Variants in CLCA2 observed in about 807,000 individuals in gnomAD.
CLCA2 encodes calcium-activated chloride channel regulator 2.
In CLCA2, 85 loss-of-function variants were observed where a neutral mutation model predicts 82.9. The ratio of observed to expected loss-of-function variants is 1.03; its 90% CI spans 0.86 to 1.23. The LOEUF is 1.23. CLCA2 is among the 50% of genes most tolerant of loss of function. The pLI, the probability that CLCA2 is intolerant of heterozygous loss-of-function variation, is 0.00. For synonymous variants in CLCA2, 421 were observed against 391.7 expected, an observed-to-expected ratio of 1.07 and a Z score of -0.88; for missense variants, 1,089 against 1,124.8, an observed-to-expected ratio of 0.97 and a Z score of 0.45.
At chr1:86,449,011 T>G (rs573171460) in intron 11 of CLCA2, among the ~76,000 whole-genome samples, 4 of 152,370 alleles carry the variant, frequency 2.6e-5, no homozygotes, top group East Asian at 3.9e-4. Flanking sequence ...CTATTTTATT[T>G]GTTTGATATC....
chr1:86,443,675 C>T, intron 9 of CLCA2, 112 bp from the exon 10 acceptor site: 1 of 794,030 alleles, frequency 1.3e-6, no homozygotes, highest in East Asian at 2.7e-5. Flanking sequence ...CAGTACCTGT[C>T]AGAATTAAAT....
At chr1:86,454,505 T>C (rs1447086872) in intron 13 of CLCA2, among the ~76,000 whole-genome samples, 1 of 152,150 alleles carries the variant, frequency 6.6e-6, no homozygotes, top group Non-Finnish European at 1.5e-5. Context: ...TAAAATCACA[T>C]AACAGACCAG....
chr1:86,428,625 G>A, intron 3 of CLCA2, 57 bp downstream of exon 3: 1 of 1,562,900 alleles, frequency 6.4e-7, no homozygotes, highest in East Asian at 2.3e-5. Flanking sequence ...AATATTCTGT[G>A]CTTGGTGCTG....
chr1:86,427,181 A>C (rs1662403902), intron 2 of CLCA2, among the ~76,000 whole-genome samples: 1 of 152,298 alleles, frequency 6.6e-6, no homozygotes, highest in East Asian at 1.9e-4. Flanking sequence ...AAAAGTAGAT[A>C]AGAGCTGAAT....
intron 13 of CLCA2, among the ~76,000 whole-genome samples, chr1:86,454,016 TG>T: frequency 6.6e-6 from 1 of 152,346 alleles, no homozygotes; most frequent in East Asian, 1.9e-4. Context: ...GGTGCATTTT[TG>T]TTTACTACTT....
In CLCA2 at chr1:86,453,401, G is replaced by A; in HGVS notation, c.2188G>A (p.Val730Ile). 1 of 1,614,072 alleles carries A rather than the reference G, an allele frequency of 6.2e-7. No individual in the cohort carries two copies. ...TCAGATGAATGCTCCAAGGAAATCAGTAGGCAGAAATGAGGAGGAGCGAAA... is the reference window on the plus strand; with the variant it reads ...TCAGATGAATGCTCCAAGGAAATCAATAGGCAGAAATGAGGAGGAGCGAAA... ...NIQMNAPRKS[V>I]GRNEEERKWG... The change falls in exon 13 of 14, where the codon GTA becomes ATA. Residue 730 changes from valine to isoleucine, a missense_variant. Physicochemically the swap from Val to Ile is conservative, Grantham distance 29. Coordinates refer to ENST00000370565, the MANE Select transcript of CLCA2 (RefSeq NM_006536.7).
intron 11 of CLCA2, among the ~76,000 whole-genome samples, chr1:86,449,430 G>A (rs1662917809): frequency 6.6e-6 from 1 of 152,030 alleles, no homozygotes; most frequent in Non-Finnish European, 1.5e-5. Context: ...AGGTGGCAGT[G>A]GTGACTTTAA....
chr1:86,431,621 G>A (rs372570543), intron 4 of CLCA2, among the ~76,000 whole-genome samples: 4 of 152,100 alleles, frequency 2.6e-5, no homozygotes, highest in East Asian at 1.9e-4. Context: ...ATTTGAGATC[G>A]CTTGTTTAGG....
intron 10 of CLCA2, 36 bp from the exon 11 acceptor site, chr1:86,447,472 T>A (rs1214609666): frequency 2.5e-6 from 4 of 1,581,140 alleles, no homozygotes; most frequent in Non-Finnish European, 3.4e-6. Flanking sequence ...TGATTTTTTT[T>A]TCACACTTTC....
In CLCA2 at chr1:86,424,220, G is replaced by GT; in HGVS notation, c.-27dup. On this transcript the variant is annotated 5_prime_UTR_variant, in exon 1 of 14. The change abolishes the stop of an existing upstream ORF in the 5' untranslated region. Coordinates refer to ENST00000370565, the MANE Select transcript of CLCA2 (RefSeq NM_006536.7). The stretch of plus-strand genomic sequence containing the variant: ...ACACAATGTATGCAGCAGGCTCAGT[G>GT]TGAGTGAACTGGAGGCTTCTCTACA... 3 of 1,596,688 alleles carry GT rather than the reference G, an allele frequency of 1.9e-6. No homozygotes were observed. Among genetic ancestry groups the GT allele is most frequent in the Non-Finnish European group, 2.6e-6 (3 of 1,173,046 alleles).
chr1:86,428,246 C>T lies in CLCA2; in HGVS notation c.325-172C>T, dbSNP rs181522095. ...TATGTAGCTGTGGGTGCATTTTAAA[C>T]TCCATCCACAAGGTGTTTTTCTTCA... is the stretch of plus-strand genomic sequence containing the variant. On this transcript the variant is annotated intron_variant, in intron 2 of 13. Coordinates refer to ENST00000370565, the MANE Select transcript of CLCA2 (RefSeq NM_006536.7). Among the ~76,000 whole-genome samples, 15 of 152,292 alleles carry T rather than the reference C, an allele frequency of 9.8e-5. No homozygotes were observed. In the East Asian group the frequency reaches 2.9e-3, roughly 29 times the overall value.
chr1:86,434,467 T>C (rs1662559547), intron 5 of CLCA2, 51 bp from the exon 6 acceptor site: 1 of 1,472,598 alleles, frequency 6.8e-7, no homozygotes, highest in South Asian at 1.2e-5. Flanking sequence ...GAGAACTATG[T>C]TTGCTTTGGG....
intron 3 of CLCA2, among the ~76,000 whole-genome samples, chr1:86,429,828 C>T (rs930331078): frequency 3.9e-5 from 6 of 152,180 alleles, no homozygotes; most frequent in Non-Finnish European, 8.8e-5. Flanking sequence ...GAGTGAAACA[C>T]TCCATAAAAT....
At chr1:86,428,358 A>C (rs1205524528) in intron 2 of CLCA2, 60 bp from the exon 3 acceptor site, 1 of 1,478,072 alleles carries the variant, frequency 6.8e-7, no homozygotes, top group Non-Finnish European at 9.1e-7. Flanking sequence ...ATGAATGTAT[A>C]CATTTATGTC....
intron 11 of CLCA2, 76 bp downstream of exon 11, chr1:86,447,854 GCT>G: frequency 1.4e-6 from 2 of 1,431,962 alleles, no homozygotes; most frequent in Non-Finnish European, 1.9e-6. Context: ...TCAATATTAA[GCT>G]TATCTGTAAG....
chr1:86,451,578 T>C (rs1275172584), intron 12 of CLCA2, among the ~76,000 whole-genome samples: 1 of 152,142 alleles, frequency 6.6e-6, no homozygotes, highest in Non-Finnish European at 1.5e-5. Context: ...ACTCTCCTGA[T>C]TACCTCCTAT....
intron 3 of CLCA2, among the ~76,000 whole-genome samples, chr1:86,430,551 G>C (rs1344271022): frequency 6.6e-6 from 1 of 152,092 alleles, no homozygotes; most frequent in East Asian, 1.9e-4. Context: ...GAAACCTGTT[G>C]GGCAGCTTCA....
chr1:86,449,745 G>A (rs1017416172), intron 11 of CLCA2, among the ~76,000 whole-genome samples: 1 of 152,184 alleles, frequency 6.6e-6, no homozygotes, highest in African/African-American at 2.4e-5. Flanking sequence ...TAGAGGACAA[G>A]CTGCTTGCCC....
At chr1:86,453,285 A>T in intron 12 of CLCA2, 84 bp from the exon 13 acceptor site, 1 of 1,003,266 alleles carries the variant, frequency 1.0e-6, no homozygotes, top group Non-Finnish European at 1.5e-6. Context: ...AAAAAGGTTT[A>T]AGAAAGTCTC....
Sources: allele counts gnomAD v4.1 joint callset (sites outside exome capture counted in the v4.1 genomes callset), GRCh38; gene constraint gnomAD v4.1.1; transcripts MANE v1.5; gene names NCBI Gene and HGNC (gene_info 2026-07-23, HGNC 2026-07-21).